The following ERN1 variants were observed in gnomAD, a reference collection of about 807,000 sequenced individuals.
ERN1 encodes serine/threonine-protein kinase/endoribonuclease IRE1.
ERN1 carries 39 observed loss-of-function variants against 113.1 expected under a neutral mutation model. The ratio of observed to expected loss-of-function variants is 0.34; its 90% CI spans 0.27 to 0.45. ERN1 has a LOEUF of 0.45. ERN1 is among the 20% of genes least tolerant of loss of function. The probability of loss-of-function intolerance (pLI) is 1.00; values close to 1 mark genes in which losing one functional copy is unlikely to be tolerated. For missense variants in ERN1, 976 were observed against 1,274.8 expected (o/e 0.77, Z 3.57); for synonymous variants, 507 against 515.9 (o/e 0.98, Z 0.23).
intron 1 of ERN1, among the ~76,000 whole-genome samples, chr17:64,108,276 G>T (rs1313116716): frequency 6.6e-6 from 1 of 151,930 alleles, no homozygotes; most frequent in Non-Finnish European, 1.5e-5. Flanking sequence ...TTCATAATAG[G>T]TGAATACAGT....
chr17:64,045,074 T>C (rs764847744), intron 20 of ERN1, 147 bp from the exon 21 acceptor site: 58 of 718,406 alleles, frequency 8.1e-5, no homozygotes, highest in Non-Finnish European at 1.2e-4. Context: ...GATCCTCCCA[T>C]CCAACCCAAG....
At chr17:64,079,774 C>G (rs1318750075) in intron 3 of ERN1, 40 bp from the exon 4 acceptor site, 2 of 1,538,238 alleles carry the variant, frequency 1.3e-6, no homozygotes, top group East Asian at 4.6e-5. Context: ...AAATTACAGC[C>G]CAGGGCATGG....
intron 1 of ERN1, among the ~76,000 whole-genome samples, chr17:64,121,787 G>T (rs1457960325): frequency 6.6e-6 from 1 of 152,076 alleles, no homozygotes; most frequent in African/African-American, 2.4e-5. Context: ...GTGCCCAGCC[G>T]AGCAGGCTTT....
At chr17:64,114,696 G>A (rs922251209) in intron 1 of ERN1, among the ~76,000 whole-genome samples, 3 of 151,678 alleles carry the variant, frequency 2.0e-5, no homozygotes, top group South Asian at 2.1e-4. Flanking sequence ...TGTTCACATC[G>A]TTGTAAAGCC....
intron 2 of ERN1, among the ~76,000 whole-genome samples, chr17:64,081,437 G>A (rs1157822210): frequency 6.6e-6 from 1 of 152,194 alleles, no homozygotes. Context: ...CATTACAAAT[G>A]ACCTACCCAA....
At chr17:64,114,070 T>TAAAA (rs10718636) in intron 1 of ERN1, among the ~76,000 whole-genome samples, 4 of 112,422 alleles carry the variant, frequency 3.6e-5, no homozygotes, top group Admixed American at 1.7e-4. Context: ...AGGTAAATGC[T>TAAAA]AAAAAAAAAA....
chr17:64,086,280 C>T (rs1250732078), intron 2 of ERN1, among the ~76,000 whole-genome samples: 2 of 152,198 alleles, frequency 1.3e-5, no homozygotes, highest in East Asian at 1.9e-4. Context: ...CATTTTTTCA[C>T]ATCCCTTTGG....
intron 9 of ERN1, among the ~76,000 whole-genome samples, 174 bp downstream of exon 9, chr17:64,065,035 T>G (rs1913174408): frequency 6.6e-6 from 1 of 152,190 alleles, no homozygotes; most frequent in African/African-American, 2.4e-5. Context: ...GCTGTTTTTG[T>G]CATGTATCTT....
At chr17:64,076,592 GA>G (rs763060227) in intron 4 of ERN1, among the ~76,000 whole-genome samples, 11 of 126,492 alleles carry the variant, frequency 8.7e-5, no homozygotes, top group Non-Finnish European at 1.5e-4. Flanking sequence ...AGGGAGTGAT[GA>G]AGGGCATCCT....
Position 64,043,932 on chromosome 17 carries a change from G to T in ERN1, c.*56C>A. The T allele has an allele frequency of 8.1e-7, 1 of 1,231,404 alleles. No homozygotes were observed. The highest frequency in any genetic ancestry group is 1.2e-6 in the Non-Finnish European group (1 of 862,234). The allele number at this position is 1,231,404 out of a possible 1,614,324, so 76.3% of individuals were successfully genotyped here. ...CCGGGAGGCATCAAGCTCTAATTGTGGTGACCAGGCCCTCAGTCACAGCTG... is the reference window on the plus strand; with the variant it reads ...CCGGGAGGCATCAAGCTCTAATTGTTGTGACCAGGCCCTCAGTCACAGCTG... On this transcript the variant is annotated 3_prime_UTR_variant, in exon 22 of 22. Coordinates refer to ENST00000433197, the MANE Select transcript of ERN1 (RefSeq NM_001433.5).
rs753513242 is a variant in ERN1, at chr17:64,064,073, TCA to T, written c.998_999del (p.Val333AspfsTer10). The T allele has an allele frequency of 6.2e-7, 1 of 1,613,670 alleles. No individual in the cohort carries two copies. Among genetic ancestry groups the T allele is most frequent in the Non-Finnish European group, 8.5e-7 (1 of 1,179,702 alleles). On this transcript the variant is annotated frameshift_variant, in exon 10 of 22. Transcript: ENST00000433197. LOFTEE classifies it high-confidence loss of function. Reference protein sequence around the residue: ...GVTIGDKGECVITPSTDVKFD... With the variant: ...GVTIGDKGECXITPSTDVKFD... ...AACTTGACGTCCGTGCTGGGCGTGA[TCA>T]CACACTCCCCCTTGTCCCCAATGGT...
In ERN1 at chr17:64,077,937, G is replaced by A. The variant is rs563906739; in HGVS notation, c.282+1725C>T. 1.1e-3 allele frequency among the ~76,000 whole-genome samples: 172 copies of A among 152,134 alleles called. 1 individual carries two copies. Among genetic ancestry groups the A allele is most frequent in the Non-Finnish European group, 2.2e-3 (147 of 67,992 alleles). On this transcript the variant is annotated intron_variant, in intron 4 of 21. Coordinates refer to ENST00000433197, the MANE Select transcript of ERN1 (RefSeq NM_001433.5). ...ATTTTTTGTATTTTTAGTAGAGACG[G>A]GGTTTCACCATGGTCTCGATCTCCT...
rs565852102 is a variant in ERN1 at position 64,120,249 on chromosome 17, C to G, written c.54+9727G>C. Among the ~76,000 whole-genome samples, 5 of 152,244 alleles carry G rather than the reference C, an allele frequency of 3.3e-5. No individual in the cohort carries two copies. In the East Asian group the frequency reaches 5.8e-4, roughly 18 times the overall value. On this transcript the variant is annotated intron_variant, in intron 1 of 21. Transcript: ENST00000433197. ...TGTGGCCCCCTGTACAGGTGATTCT[C>G]TCACTCCTAGTGGCCCCTCAGGAGT...
At chr17:64,060,639 G>T in intron 10 of ERN1, 52 bp from the exon 11 acceptor site, 3 of 1,330,396 alleles carry the variant, frequency 2.3e-6, no homozygotes, top group Non-Finnish European at 3.3e-6. Flanking sequence ...AGCTGTGGTG[G>T]CACTCAATGC....
At chr17:64,115,483 C>G (rs1271949629) in intron 1 of ERN1, among the ~76,000 whole-genome samples, 1 of 152,196 alleles carries the variant, frequency 6.6e-6, no homozygotes, top group African/African-American at 2.4e-5. Flanking sequence ...ACGGCAAGTT[C>G]CATGGCCGAA....
chr17:64,128,672 G>A (rs758852863), intron 1 of ERN1: 1 of 152,160 alleles, frequency 6.6e-6, no homozygotes, highest in Non-Finnish European at 1.5e-5. Flanking sequence ...AATCCAAGGT[G>A]AGGTGCTCAA....
At chr17:64,053,744 A>G (rs1382871793) in intron 15 of ERN1, among the ~76,000 whole-genome samples, 4 of 152,116 alleles carry the variant, frequency 2.6e-5, no homozygotes, top group African/African-American at 9.7e-5. Context: ...GGAAAGAACA[A>G]CTGTCCAGGT....
chr17:64,102,792 G>C, intron 1 of ERN1: 1 of 985,298 alleles, frequency 1.0e-6, no homozygotes, highest in Middle Eastern at 5.2e-4. Context: ...ACACACACTG[G>C]TTTCCAGAGA....
rs750473099 is a variant in ERN1, at chr17:64,045,350, C to T, written c.2653+9G>A. The T allele has an allele frequency of 1.9e-6, 3 of 1,613,842 alleles. No homozygotes were observed. Among genetic ancestry groups the T allele is most frequent in the Admixed American group, 3.3e-5 (2 of 60,024 alleles). On this transcript the variant is annotated intron_variant, in intron 20 of 21. Transcript: ENST00000433197. ...CAACCTGCCCTCTCACACGCTGCAGCATGATCACCTGTCTGGAGGGGGACA... is the reference window on the plus strand; with the variant it reads ...CAACCTGCCCTCTCACACGCTGCAGTATGATCACCTGTCTGGAGGGGGACA...
Sources: allele counts gnomAD v4.1 joint callset (sites outside exome capture counted in the v4.1 genomes callset), GRCh38; gene constraint gnomAD v4.1.1; transcripts MANE v1.5; gene names NCBI Gene and HGNC (gene_info 2026-07-23, HGNC 2026-07-21).